Variants in MAD1L1 observed in about 807,000 individuals in gnomAD.
MAD1L1 encodes the protein mitotic spindle assembly checkpoint protein MAD1.
A neutral mutation model predicts 96.9 loss-of-function variants in MAD1L1; 95 were observed. The ratio of observed to expected loss-of-function variants is 0.98; its 90% CI spans 0.83 to 1.16. MAD1L1 has a LOEUF of 1.16. Ranked by LOEUF, MAD1L1 falls within the 50% of genes most tolerant of loss-of-function variation. The pLI is 0.00. For missense variants in MAD1L1, 1,007 were observed against 954.4 expected (o/e 1.06, Z -0.73); for synonymous variants, 473 against 396.6 (o/e 1.19, Z -2.29).
At chr7:1,892,891 G>A (rs1009460598) in intron 18 of MAD1L1, among the ~76,000 whole-genome samples, 4 of 152,124 alleles carry the variant, frequency 2.6e-5, no homozygotes, top group African/African-American at 9.7e-5. Context: ...TCCCCGGCCT[G>A]GTCACTCCAC....
chr7:2,140,063 C>A (rs977354118), intron 11 of MAD1L1, among the ~76,000 whole-genome samples: 1 of 151,772 alleles, frequency 6.6e-6, no homozygotes, highest in Admixed American at 6.6e-5. Context: ...GCTTCCAAAG[C>A]CCTCAACTAC....
intron 17 of MAD1L1, among the ~76,000 whole-genome samples, chr7:1,933,893 G>A (rs911891153): frequency 3.3e-5 from 5 of 152,164 alleles, no homozygotes; most frequent in Admixed American, 6.5e-5. Flanking sequence ...CCTGGGCTGC[G>A]TTGGAGTTTT....
intron 15 of MAD1L1, among the ~76,000 whole-genome samples, chr7:1,958,976 G>C (rs1444424081): frequency 6.6e-6 from 1 of 152,226 alleles, no homozygotes; most frequent in Non-Finnish European, 1.5e-5. Context: ...CAGAGGCCAG[G>C]CACGGTGGCT....
intron 14 of MAD1L1, among the ~76,000 whole-genome samples, chr7:2,000,406 T>A (rs1374217693): frequency 6.6e-6 from 1 of 151,676 alleles, no homozygotes; most frequent in Non-Finnish European, 1.5e-5. Flanking sequence ...TGTCACCACC[T>A]CCTCCACCCA....
intron 17 of MAD1L1, among the ~76,000 whole-genome samples, chr7:1,926,814 G>T (rs1789116611): frequency 6.6e-6 from 1 of 152,228 alleles, no homozygotes; most frequent in Admixed American, 6.5e-5. Context: ...CCTGCAAGGT[G>T]AGGAGAAAGG....
intron 11 of MAD1L1, among the ~76,000 whole-genome samples, chr7:2,129,296 A>G (rs529940407): frequency 6.6e-6 from 1 of 152,372 alleles, no homozygotes; most frequent in South Asian, 2.1e-4. Flanking sequence ...GGAAGAGGGA[A>G]AGCCCAGGTT....
chr7:1,954,036 C>T (rs2128472568), intron 16 of MAD1L1, among the ~76,000 whole-genome samples: 1 of 152,174 alleles, frequency 6.6e-6, no homozygotes, highest in Non-Finnish European at 1.5e-5. Context: ...TGTGTCCTGC[C>T]CCGTAGCCTG....
At chr7:2,127,159 A>T (rs13245731) in intron 11 of MAD1L1, among the ~76,000 whole-genome samples, 1 of 152,300 alleles carries the variant, frequency 6.6e-6, no homozygotes, top group Non-Finnish European at 1.5e-5. Flanking sequence ...TTGTTCCAGA[A>T]GAGAGGTGCT....
chr7:1,819,313 C>T (rs1287486453), intron 18 of MAD1L1, among the ~76,000 whole-genome samples: 5 of 152,198 alleles, frequency 3.3e-5, no homozygotes, highest in Admixed American at 6.5e-5. Flanking sequence ...TCTGCCTGGC[C>T]GGCCCGAGCT....
intron 14 of MAD1L1, among the ~76,000 whole-genome samples, chr7:1,995,280 G>A (rs549408202): frequency 5.9e-5 from 9 of 152,254 alleles, no homozygotes; most frequent in East Asian, 3.9e-4. Context: ...GCTGGTGAAC[G>A]GGCAGCGAGC....
intron 11 of MAD1L1, among the ~76,000 whole-genome samples, chr7:2,128,635 G>A (rs1307586131): frequency 1.3e-5 from 2 of 151,962 alleles, no homozygotes; most frequent in African/African-American, 2.4e-5. Context: ...CAGAAAACAC[G>A]ATGTGTCTGC....
At chr7:1,891,196 G>A (rs1052860016) in intron 18 of MAD1L1, among the ~76,000 whole-genome samples, 4 of 152,230 alleles carry the variant, frequency 2.6e-5, no homozygotes, top group African/African-American at 9.6e-5. Flanking sequence ...ATAGCTGTAG[G>A]ATGTGCTTGT....
At chr7:1,853,815 T>TCCGAGCAGCCTGGGTGG (rs1784101687) in intron 18 of MAD1L1, among the ~76,000 whole-genome samples, 3 of 151,786 alleles carry the variant, frequency 2.0e-5, no homozygotes, top group South Asian at 4.2e-4. Flanking sequence ...ACGATTTCAC[T>TCCGAGCAGCCTGGGTGG]CCGAGCAGCC....
chr7:1,938,270 G>C (rs4719366), intron 16 of MAD1L1, among the ~76,000 whole-genome samples: 1 of 144,536 alleles, frequency 6.9e-6, no homozygotes, highest in East Asian at 2.1e-4. Context: ...AACAACAGCC[G>C]CCCACGGCAG....
chr7:1,880,195 G>C (rs1000776210), intron 18 of MAD1L1, among the ~76,000 whole-genome samples: 2 of 152,172 alleles, frequency 1.3e-5, no homozygotes, highest in African/African-American at 4.8e-5. Context: ...TTCCTAATCA[G>C]CACCCCTCAA....
At chr7:1,888,390 G>GGCTGCCTGTGCATGCGTGTGGCTGCC (rs1370510875) in intron 18 of MAD1L1, among the ~76,000 whole-genome samples, 36 of 148,426 alleles carry the variant, frequency 2.4e-4, no homozygotes, top group Admixed American at 1.3e-3. Flanking sequence ...CTATGCGTGT[G>GGCTGCCTGTGCATGCGTGTGGCTGCC]TGTGCATGCG....
chr7:1,856,508 C>T (rs1422188984), intron 18 of MAD1L1, among the ~76,000 whole-genome samples: 2 of 152,246 alleles, frequency 1.3e-5, no homozygotes, highest in Non-Finnish European at 2.9e-5. Flanking sequence ...GTCGGCTAAT[C>T]TGCTGGCTAC....
Position 2,146,284 on chromosome 7 carries a change from A to G in MAD1L1, c.1073+2868T>C, listed in dbSNP as rs188262244. Among the ~76,000 whole-genome samples, 31 of 140,072 alleles carry G rather than the reference A, an allele frequency of 2.2e-4. No individual in the cohort carries two copies. Among genetic ancestry groups the G allele is most frequent in the African/African-American group, 8.4e-4 (30 of 35,606 alleles). 91.9% of individuals were successfully genotyped at this position (140,072 alleles called of 152,430 possible). On this transcript the variant is annotated intron_variant, in intron 11 of 18. Coordinates refer to ENST00000265854, the MANE Select transcript of MAD1L1 (RefSeq NM_001013836.2). The surrounding 1 kb of genome is among the most constrained non-coding windows in gnomAD (Gnocchi z 6.2). The stretch of plus-strand genomic sequence containing the variant: ...ACTGGGCTACGAGGAACAGGGTACC[A>G]CCTCGATGAGGGAGCACCGGGCACT...
chr7:2,196,589 T>TG (rs1378347256), intron 10 of MAD1L1, among the ~76,000 whole-genome samples: 4 of 152,236 alleles, frequency 2.6e-5, no homozygotes, highest in African/African-American at 9.6e-5. Flanking sequence ...GCCCAAAGCC[T>TG]GGCAAACGGC....
Sources: gnomAD v4.1 joint callset for allele counts (sites outside exome capture counted in the v4.1 genomes callset) on GRCh38, gnomAD v4.1.1 for gene constraint, Gnocchi (gnomAD v3.1) non-coding constraint, MANE v1.5 for transcripts, NCBI Gene and HGNC (gene_info 2026-07-23, HGNC 2026-07-21) for gene names.